Variants in YRDC observed in about 807,000 individuals in gnomAD.
YRDC encodes yrdC N6-threonylcarbamoyltransferase domain containing.
YRDC carries 17 observed loss-of-function variants against 21.5 expected under a neutral mutation model. The observed-to-expected ratio is 0.79, with a 90% CI of 0.54 to 1.19. YRDC has a LOEUF of 1.19. YRDC is among the 50% of genes most tolerant of loss of function. YRDC has a pLI of 0.00. For missense variants in YRDC, 380 were observed against 397.1 expected (o/e 0.96, Z 0.37); for synonymous variants, 193 against 176.7 (o/e 1.09, Z -0.73).
Position 37,808,162 on chromosome 1 carries a change from AC to A in YRDC, c.18del (p.Cys7AlafsTer4), listed in dbSNP as rs1646755536. The A allele has an allele frequency of 2.1e-6, 3 of 1,459,950 alleles. No individual in the cohort carries two copies. The East Asian group carries it at 9.1e-5, about 44-fold the overall frequency. 90.4% of individuals were successfully genotyped at this position (1,459,950 alleles called of 1,614,324 possible). On this transcript the variant is annotated frameshift_variant, in exon 1 of 5. Coordinates refer to ENST00000373044, the MANE Select transcript of YRDC (RefSeq NM_024640.4). LOFTEE classifies it high-confidence loss of function. MSPAR[R>X]CRGMRAAVAA... ...GCCACCGCGGCCCTCATCCCCCTGC[AC>A]CGACGCGCCGGAGACATCCGCCCAG...
intron 3 of YRDC, 45 bp downstream of exon 3, chr1:37,806,812 A>G: frequency 6.2e-7 from 1 of 1,613,212 alleles, no homozygotes; most frequent in Non-Finnish European, 8.5e-7. Flanking sequence ...AGAAAACAGT[A>G]TGTGCGCTGG....
In YRDC at chr1:37,804,530, T is replaced by C. The variant is rs962398605; in HGVS notation, c.625-86A>G. 62 of 1,495,146 alleles carry C rather than the reference T, an allele frequency of 4.1e-5. No individual in the cohort carries two copies. In the African/African-American group the frequency reaches 6.3e-4, roughly 15 times the overall value. The allele number at this position is 1,495,146 out of a possible 1,614,324, so 92.6% of individuals were successfully genotyped here. A position where few individuals can be genotyped will look rare whatever the true frequency, so the allele number is the denominator to read the frequency against. On this transcript the variant is annotated intron_variant, in intron 3 of 4. Coordinates refer to ENST00000373044, the MANE Select transcript of YRDC (RefSeq NM_024640.4). ...CTGCACGCAGTCATCAAAGGCCATA[T>C]AGTCTTAAAACAGAAGGCACTTTCC... is the stretch of plus-strand genomic sequence containing the variant.
At position 37,808,023 on chromosome 1, in the gene YRDC, C is replaced by T; in HGVS notation, c.158G>A (p.Ser53Asn). 7.8e-7 allele frequency: 1 copy of T among 1,287,834 alleles called. No homozygotes were observed. The highest frequency in any genetic ancestry group is 9.8e-7 in the Non-Finnish European group (1 of 1,020,072). 79.8% of individuals were successfully genotyped at this position (1,287,834 alleles called of 1,614,324 possible). A position where few individuals can be genotyped will look rare whatever the true frequency, so the allele number is the denominator to read the frequency against. Reference protein sequence around the residue: ...PGARLLRLPGSGAVQAASPER... With the variant: ...PGARLLRLPGNGAVQAASPER... ...CGGGCTCGCGGCCTGCACGGCCCCG[C>T]TCCCCGGGAGCCGCAACAGCCGGGC... The change falls in exon 1 of 5, where the codon AGC becomes AAC. Residue 53 changes from serine (S) to asparagine (N), a missense_variant. Transcript: ENST00000373044.
chr1:37,807,895 C>G lies in YRDC; in HGVS notation c.286G>C (p.Ala96Pro). Residue 96 changes from alanine to proline, a missense_variant, in exon 1 of 5, where the codon GCG becomes CCG. Around this residue, in one of 3 missense-constraint regions of YRDC, gnomAD observed 51 missense variants for 95.9 expected, o/e 0.53. Coordinates refer to ENST00000373044, the MANE Select transcript of YRDC (RefSeq NM_024640.4). ...PTDTLYGLAC[A>P]ASCSAALRAV... ...CGCAGAGCCGCCGAGCAGCTCGCCGCGCAGGCCAGGCCGTACAGCGTATCG... is the reference window on the plus strand; with the variant it reads ...CGCAGAGCCGCCGAGCAGCTCGCCGGGCAGGCCAGGCCGTACAGCGTATCG... 2.1e-6 allele frequency: 3 copies of G among 1,447,038 alleles called. No homozygotes were observed. The highest frequency in any genetic ancestry group is 2.7e-6 in the Non-Finnish European group (3 of 1,096,888). 89.6% of individuals were successfully genotyped at this position (1,447,038 alleles called of 1,614,324 possible). A position where few individuals can be genotyped will look rare whatever the true frequency, so the allele number is the denominator to read the frequency against.
At chr1:37,805,059 T>A in intron 3 of YRDC, among the ~76,000 whole-genome samples, 1 of 152,076 alleles carries the variant, frequency 6.6e-6, no homozygotes, top group East Asian at 1.9e-4. Flanking sequence ...AGTTTGAGAC[T>A]AGCCTGGTCA....
At chr1:37,804,216 G>A in intron 4 of YRDC, 86 bp downstream of exon 4, 8 of 1,553,830 alleles carry the variant, frequency 5.1e-6, no homozygotes, top group East Asian at 2.3e-5. Context: ...CAACATAGGA[G>A]GCACCATCTT....
chr1:37,805,020 T>G (rs572994595), intron 3 of YRDC, among the ~76,000 whole-genome samples: 1 of 151,944 alleles, frequency 6.6e-6, no homozygotes, highest in Admixed American at 6.5e-5. Context: ...ATCTCAGCAC[T>G]TTGGGAGGCT....
chr1:37,807,111 G>A lies in YRDC; in HGVS notation c.494C>T (p.Pro165Leu). ...GAAAACTTGACTCACAGGCGTAAAA[G>A]GGTTTAGGTCCTTGTTGAGCTCCTC... Reference protein sequence around the residue: ...RSEELNKDLNPFTPLVGIRIP... With the variant: ...RSEELNKDLNLFTPLVGIRIP... Residue 165 changes from proline (P) to leucine (L), a missense_variant, in exon 2 of 5, where the codon CCT becomes CTT. Around this residue, in one of 3 missense-constraint regions of YRDC, gnomAD observed 238 missense variants for 236.5 expected, o/e 1.01. Transcript: ENST00000373044. The A allele has an allele frequency of 1.2e-5, 19 of 1,614,166 alleles. No individual in the cohort carries two copies. Among genetic ancestry groups the A allele is most frequent in the Middle Eastern group, 1.6e-4 (1 of 6,062 alleles).
intron 3 of YRDC, among the ~76,000 whole-genome samples, chr1:37,805,157 G>A (rs1035672636): frequency 1.3e-5 from 2 of 152,224 alleles, no homozygotes; most frequent in Non-Finnish European, 2.9e-5. Flanking sequence ...TCACTCGGGA[G>A]GCTGAGGCAG....
rs1231821738 is a variant in YRDC, at chr1:37,803,004, CAAT to C, written c.*918_*920del. On this transcript the variant is annotated 3_prime_UTR_variant, in exon 5 of 5. Coordinates refer to ENST00000373044, the MANE Select transcript of YRDC (RefSeq NM_024640.4). ...TAAAGAAAAACAAAGTTCAAATGCC[CAAT>C]AATAATTATGTTTAACACTTGGTAC... The C allele has an allele frequency of 2.6e-5, 4 of 151,946 alleles. No individual in the cohort carries two copies. Among genetic ancestry groups the C allele is most frequent in the African/African-American group, 7.3e-5 (3 of 41,326 alleles). The allele number at this position is 151,946 out of a possible 1,614,324, so 9.4% of individuals were successfully genotyped here.
intron 4 of YRDC, 134 bp downstream of exon 4, chr1:37,804,168 C>G: frequency 2.1e-6 from 3 of 1,462,684 alleles, no homozygotes; most frequent in Non-Finnish European, 1.9e-6. Flanking sequence ...CCCACTGCAA[C>G]TACCACTTCT....
chr1:37,807,750 C>T, intron 1 of YRDC, 42 bp downstream of exon 1: 1 of 1,436,860 alleles, frequency 7.0e-7, no homozygotes, highest in Non-Finnish European at 9.1e-7. Flanking sequence ...AAACCCCTCC[C>T]GCGGTGCCGC....
intron 3 of YRDC, 127 bp from the exon 4 acceptor site, chr1:37,804,571 G>A: frequency 8.1e-7 from 1 of 1,233,620 alleles, no homozygotes; most frequent in Non-Finnish European, 1.1e-6. Context: ...GCAGAGAAAG[G>A]AGCTTCATTT....
rs1370523074 is a variant in YRDC at position 37,807,891 on chromosome 1, G to A, written c.290C>T (p.Ala97Val). ...AGCGCGCAGAGCCGCCGAGCAGCTC[G>A]CCGCGCAGGCCAGGCCGTACAGCGT... ...TDTLYGLACA[A>V]SCSAALRAVY... is the part of the protein sequence containing the mutation. The change falls in exon 1 of 5, where the codon GCG becomes GTG. Residue 97 changes from alanine (A) to valine (V), a missense_variant. Transcript: ENST00000373044. 2.4e-5 allele frequency: 35 copies of A among 1,448,676 alleles called. No individual in the cohort carries two copies. Among genetic ancestry groups the A allele is most frequent in the Non-Finnish European group, 9.1e-7 (1 of 1,097,886 alleles). 89.7% of individuals were successfully genotyped at this position (1,448,676 alleles called of 1,614,324 possible). A position where few individuals can be genotyped will look rare whatever the true frequency, so the allele number is the denominator to read the frequency against.
intron 1 of YRDC, chr1:37,807,454 T>C: frequency 3.4e-6 from 2 of 587,930 alleles, no homozygotes; most frequent in East Asian, 2.9e-5. Flanking sequence ...TGTGATATCA[T>C]GATAGTGGGA....
intron 3 of YRDC, 49 bp downstream of exon 3, chr1:37,806,808 C>T (rs1274507414): frequency 6.2e-7 from 1 of 1,612,206 alleles, no homozygotes; most frequent in African/African-American, 1.3e-5. Flanking sequence ...TCACAGAAAA[C>T]AGTATGTGCG....
chr1:37,805,943 A>G (rs1569824383), intron 3 of YRDC, among the ~76,000 whole-genome samples: 1 of 152,350 alleles, frequency 6.6e-6, no homozygotes, highest in East Asian at 1.9e-4. Flanking sequence ...TGTCTGGCCG[A>G]GTCTGGGGAC....
chr1:37,807,483 TTTC>T, intron 1 of YRDC: 1 of 587,528 alleles, frequency 1.7e-6, no homozygotes, highest in Non-Finnish European at 3.0e-6. Flanking sequence ...CACGTTTTAT[TTTC>T]TTCAAGGCAT....
chr1:37,808,187 AG>A lies in YRDC; in HGVS notation c.-8del. The stretch of plus-strand genomic sequence containing the variant: ...ACCGACGCGCCGGAGACATCCGCCC[AG>A]GCCCGCTTCCGGGAGGAAGTGACGC... On this transcript the variant is annotated 5_prime_UTR_variant, in exon 1 of 5. Transcript: ENST00000373044. 7.0e-7 allele frequency: 1 copy of A among 1,437,364 alleles called. No homozygotes were observed. The highest frequency in any genetic ancestry group is 9.1e-7 in the Non-Finnish European group (1 of 1,099,680). The allele number at this position is 1,437,364 out of a possible 1,614,324, so 89.0% of individuals were successfully genotyped here.
Sources: allele counts gnomAD v4.1 joint callset (sites outside exome capture counted in the v4.1 genomes callset), GRCh38; gene constraint gnomAD v4.1.1; regional missense constraint gnomAD v4.1.1; transcripts MANE v1.5; gene names NCBI Gene and HGNC (gene_info 2026-07-23, HGNC 2026-07-21).